The following ELFN2 variants were observed in gnomAD, a reference collection of about 807,000 sequenced individuals.
The protein encoded by ELFN2 is protein phosphatase 1 regulatory subunit 29.
Under a neutral mutation model 45.5 loss-of-function variants are expected in ELFN2, and 17 were observed. That is an observed-to-expected ratio of 0.37 (90% CI 0.26 to 0.56). ELFN2 has a LOEUF of 0.56. ELFN2 is among the 20% of genes least tolerant of loss of function. The pLI is 0.77. For synonymous variants in ELFN2, 550 were observed against 551.5 expected (o/e 1.00, Z 0.04); for missense variants, 922 against 1,183.2 (o/e 0.78, Z 3.24).
chr22:37,408,416 G>C (rs1478983185), intron 2 of ELFN2, among the ~76,000 whole-genome samples: 5 of 152,232 alleles, frequency 3.3e-5, no homozygotes, highest in Non-Finnish European at 7.3e-5. Context: ...CTGAGCGCCT[G>C]AGCCTCACTG....
At chr22:37,360,103 A>G (rs1298953266) in intron 1 of ELFN2, among the ~76,000 whole-genome samples, 1 of 152,208 alleles carries the variant, frequency 6.6e-6, no homozygotes, top group East Asian at 1.9e-4. Context: ...AGGTGCTTTC[A>G]GGGCCTCTTC....
intron 1 of ELFN2, among the ~76,000 whole-genome samples, chr22:37,421,012 T>C (rs1932805662): frequency 6.6e-6 from 1 of 152,148 alleles, no homozygotes; most frequent in African/African-American, 2.4e-5. Context: ...GTTCCTGCAA[T>C]TTTCCCCTCG....
At chr22:37,379,062 G>A (rs1931671141) in intron 2 of ELFN2, among the ~76,000 whole-genome samples, 1 of 152,202 alleles carries the variant, frequency 6.6e-6, no homozygotes, top group Non-Finnish European at 1.5e-5. Flanking sequence ...GGAAGAAGGG[G>A]GTGCTGCAGG....
In ELFN2 at chr22:37,350,041, G is replaced by A. The variant is rs995569369; in HGVS notation, n.149-7338C>T. On this transcript the variant is annotated intron_variant and non_coding_transcript_variant, in intron 1 of 2. Coordinates refer to ENST00000452946, the Ensembl canonical transcript of ELFN2. ...CCTGGTCCTGGCGGGCAGTGGGGACGGGGTGTGAGGCTGCCTGGGCTGTGG... is the reference window on the plus strand; with the variant it reads ...CCTGGTCCTGGCGGGCAGTGGGGACAGGGTGTGAGGCTGCCTGGGCTGTGG... Among the ~76,000 whole-genome samples the A allele has an allele frequency of 4.6e-5, 7 of 150,926 alleles. No individual in the cohort carries two copies. The East Asian group carries it at 5.8e-4, about 12-fold the overall frequency.
intron 1 of ELFN2, among the ~76,000 whole-genome samples, chr22:37,423,143 G>C (rs1304359336): frequency 6.6e-6 from 1 of 152,150 alleles, no homozygotes; most frequent in Non-Finnish European, 1.5e-5. Flanking sequence ...ACCCGGGGGA[G>C]CCCTCCAAGC....
rs1931347342 is a variant in ELFN2, at chr22:37,370,894, G to A, written c.*2178C>T. On this transcript the variant is annotated 3_prime_UTR_variant, in exon 3 of 3. Coordinates refer to ENST00000402918, the MANE Select transcript of ELFN2 (RefSeq NM_052906.5). ...GTAAAATCGTCATGCAAATATAACA[G>A]GGAGTCTGCTTCCTCACACCCCTGG... 6.6e-6 allele frequency: 1 copy of A among 151,972 alleles called. No homozygotes were observed. Among genetic ancestry groups the A allele is most frequent in the South Asian group, 2.1e-4 (1 of 4,796 alleles). The allele number at this position is 151,972 out of a possible 1,614,324, so 9.4% of individuals were successfully genotyped here.
chr22:37,412,172 TG>T (rs1244678607), intron 2 of ELFN2, among the ~76,000 whole-genome samples: 1 of 150,196 alleles, frequency 6.7e-6, no homozygotes, highest in African/African-American at 2.5e-5. Flanking sequence ...TGGCGAAACC[TG>T]GTCTCTACTA....
intron 2 of ELFN2, among the ~76,000 whole-genome samples, chr22:37,410,071 G>A (rs138169870): frequency 1.3e-5 from 2 of 152,196 alleles, no homozygotes; most frequent in East Asian, 3.9e-4. Context: ...AAGATCACGA[G>A]GGCACACACA....
Position 37,368,912 on chromosome 22 carries a change from C to T in ELFN2, c.*4160G>A, listed in dbSNP as rs1286740342. 2.3e-4 allele frequency: 34 copies of T among 146,492 alleles called. No individual in the cohort carries two copies. The highest frequency in any genetic ancestry group is 3.0e-5 in the Non-Finnish European group (2 of 66,800). 9.1% of individuals were successfully genotyped at this position (146,492 alleles called of 1,614,324 possible). ...CACCCACCCACCCACCCTTCTGGCT[C>T]CTCTTGTCATTCACAGCTTGGCTCC... On this transcript the variant is annotated 3_prime_UTR_variant, in exon 3 of 3. Transcript: ENST00000402918.
rs1022813498 is a variant in ELFN2, at chr22:37,371,369, G to T, written c.*1703C>A. 1.3e-5 allele frequency: 2 copies of T among 152,282 alleles called. No homozygotes were observed. The highest frequency in any genetic ancestry group is 4.8e-5 in the African/African-American group (2 of 41,460). The allele number at this position is 152,282 out of a possible 1,614,324, so 9.4% of individuals were successfully genotyped here. ...CCTAGACTGGGGGTCTCTGGCAGGGGCGTGGGGAGAGCCGGGGCCCCCCAA... is the reference window on the plus strand; with the variant it reads ...CCTAGACTGGGGGTCTCTGGCAGGGTCGTGGGGAGAGCCGGGGCCCCCCAA... On this transcript the variant is annotated 3_prime_UTR_variant, in exon 3 of 3. Coordinates refer to ENST00000402918, the MANE Select transcript of ELFN2 (RefSeq NM_052906.5). The surrounding 1 kb of genome is among the most constrained non-coding windows in gnomAD (Gnocchi z 6.4).
At chr22:37,377,902 G>C (rs933059716) in intron 2 of ELFN2, among the ~76,000 whole-genome samples, 11 of 152,198 alleles carry the variant, frequency 7.2e-5, no homozygotes, top group Non-Finnish European at 1.5e-4. Context: ...TCCCAGGCCA[G>C]TTCTACCCCT....
At chr22:37,407,766 G>A (rs1932542530) in intron 2 of ELFN2, among the ~76,000 whole-genome samples, 1 of 152,026 alleles carries the variant, frequency 6.6e-6, no homozygotes, top group Non-Finnish European at 1.5e-5. Context: ...ATGGTGGCAA[G>A]CGCCTGTAGT....
chr22:37,355,093 C>T (rs1052162893), intron 1 of ELFN2, among the ~76,000 whole-genome samples: 1 of 152,196 alleles, frequency 6.6e-6, no homozygotes, highest in Non-Finnish European at 1.5e-5. Flanking sequence ...TCTTTCTTTT[C>T]GGCGCTCTGC....
At chr22:37,356,547 C>T (rs540169700) in intron 1 of ELFN2, among the ~76,000 whole-genome samples, 18 of 152,282 alleles carry the variant, frequency 1.2e-4, no homozygotes, top group Middle Eastern at 3.4e-3. Flanking sequence ...TGGCTGTCTA[C>T]GTTTCACACT....
Position 37,374,599 on chromosome 22 carries a change from C to T in ELFN2, c.936G>A (p.Val312=), listed in dbSNP as rs754222532. The T allele has an allele frequency of 3.7e-6, 6 of 1,614,214 alleles. No homozygotes were observed. The South Asian group carries it at 6.6e-5, about 18-fold the overall frequency. Residue 312 remains valine (V), a synonymous_variant, in exon 3 of 3, where the codon GTG becomes GTA. Coordinates refer to ENST00000402918, the MANE Select transcript of ELFN2 (RefSeq NM_052906.5). ...HHVTFTSATL[V]VIIPHPYSKM... ...TGCTGTAGGGGTGTGGGATGATGAC[C>T]ACCAGGGTGGCCGAGGTGAACGTGA...
chr22:37,390,530 C>T (rs1178085631), intron 2 of ELFN2, among the ~76,000 whole-genome samples: 4 of 152,200 alleles, frequency 2.6e-5, no homozygotes, highest in Admixed American at 1.3e-4. Context: ...GGTGAGAAGC[C>T]GCATTCTCCC....
At chr22:37,399,878 G>A (rs1458464617) in intron 2 of ELFN2, among the ~76,000 whole-genome samples, 1 of 152,182 alleles carries the variant, frequency 6.6e-6, no homozygotes, top group African/African-American at 2.4e-5. Context: ...GTAAATGAAA[G>A]AAGGAAGGGC....
chr22:37,415,273 C>A (rs1331838210), intron 2 of ELFN2, among the ~76,000 whole-genome samples: 1 of 152,238 alleles, frequency 6.6e-6, no homozygotes, highest in African/African-American at 2.4e-5. Context: ...CAGGGCACCA[C>A]CAGCCACATG....
intron 2 of ELFN2, among the ~76,000 whole-genome samples, chr22:37,383,136 C>T (rs1243671449): frequency 6.6e-6 from 1 of 152,208 alleles, no homozygotes; most frequent in Non-Finnish European, 1.5e-5. Context: ...GTCAAGGTCC[C>T]TCTTACAACG....
Sources: gnomAD v4.1 joint callset for allele counts (sites outside exome capture counted in the v4.1 genomes callset) on GRCh38, gnomAD v4.1.1 for gene constraint, Gnocchi (gnomAD v3.1) non-coding constraint, MANE v1.5 for transcripts, NCBI Gene and HGNC (gene_info 2026-07-23, HGNC 2026-07-21) for gene names.